The following VPS13B variants were observed in gnomAD, a reference collection of about 807,000 sequenced individuals.
The protein encoded by VPS13B is intermembrane lipid transfer protein VPS13B.
In VPS13B, 285 loss-of-function variants were observed where a neutral mutation model predicts 426.4. The observed-to-expected ratio is 0.67, with a 90% CI of 0.61 to 0.74. VPS13B has a LOEUF of 0.74. Ranked by LOEUF, VPS13B falls within the 30% of genes least tolerant of loss-of-function variation. The pLI, the probability that VPS13B is intolerant of heterozygous loss-of-function variation, is 0.00. For missense variants in VPS13B, 4,537 were observed against 4,782.6 expected (o/e 0.95, Z 1.51); for synonymous variants, 1,676 against 1,676.4 (o/e 1.00, Z 0.01).
intron 51 of VPS13B, among the ~76,000 whole-genome samples, chr8:99,828,925 C>T (rs765429764): frequency 1.3e-5 from 2 of 152,100 alleles, no homozygotes; most frequent in Non-Finnish European, 2.9e-5. Context: ...AATATTGGCC[C>T]CCACTCTCTT....
At chr8:99,309,032 GT>G (rs1415763327) in intron 19 of VPS13B, among the ~76,000 whole-genome samples, 1 of 152,028 alleles carries the variant, frequency 6.6e-6, no homozygotes, top group African/African-American at 2.4e-5. Context: ...GGAGTTGTTT[GT>G]TTTTTTCTTG....
Position 99,709,137 on chromosome 8 carries a change from T to C in VPS13B, c.6455-8034T>C, listed in dbSNP as rs16897580. ...AAGGTTTTCTGATGCTTCACTGTTA[T>C]GCAAATCAGCTTCCGGATGTATCTA... On this transcript the variant is annotated intron_variant, in intron 36 of 61. Coordinates refer to ENST00000357162, the MANE Select transcript of VPS13B (RefSeq NM_152564.5). 7.2e-3 allele frequency among the ~76,000 whole-genome samples: 1,102 copies of C among 152,322 alleles called. 9 individuals carry two copies. The highest frequency in any genetic ancestry group is 0.024 in the African/African-American group (1,011 of 41,570).
chr8:99,052,344 C>A (rs1236841816), intron 3 of VPS13B, among the ~76,000 whole-genome samples: 1 of 74,108 alleles, frequency 1.3e-5, no homozygotes, highest in East Asian at 2.8e-4. Context: ...TATTGATTTG[C>A]GTATGTTGAA....
intron 35 of VPS13B, among the ~76,000 whole-genome samples, chr8:99,672,777 A>T (rs1304259920): frequency 1.3e-5 from 2 of 151,972 alleles, no homozygotes; most frequent in South Asian, 4.1e-4. Context: ...TGACCTGTGA[A>T]TTTGTCACAT....
At chr8:99,766,311 T>G (rs1398180278) in intron 39 of VPS13B, among the ~76,000 whole-genome samples, 1 of 152,150 alleles carries the variant, frequency 6.6e-6, no homozygotes, top group Non-Finnish European at 1.5e-5. Flanking sequence ...CTCAAACTCC[T>G]GACCTCAGGT....
chr8:99,115,658 T>A, intron 6 of VPS13B, 42 bp from the exon 7 acceptor site: 5 of 1,595,394 alleles, frequency 3.1e-6, no homozygotes, highest in Non-Finnish European at 4.3e-6. Context: ...ATACTCTTTT[T>A]AAACATGCGT....
At chr8:99,312,560 C>T (rs1821050853) in intron 19 of VPS13B, among the ~76,000 whole-genome samples, 1 of 152,186 alleles carries the variant, frequency 6.6e-6, no homozygotes. Flanking sequence ...ATGGGCTTCC[C>T]TTTGTGGGTA....
chr8:99,133,847 C>A (rs548612196), intron 8 of VPS13B, among the ~76,000 whole-genome samples: 3 of 151,964 alleles, frequency 2.0e-5, no homozygotes, highest in African/African-American at 7.3e-5. Context: ...TTACAGATCA[C>A]CATAACAGAT....
chr8:99,567,210 GT>G (rs1199361195), intron 31 of VPS13B, among the ~76,000 whole-genome samples: 4 of 151,482 alleles, frequency 2.6e-5, no homozygotes, highest in African/African-American at 7.3e-5. Context: ...CTTCCATGAA[GT>G]TTTTTTTTAA....
At chr8:99,871,865 C>T (rs764981883) in intron 61 of VPS13B, among the ~76,000 whole-genome samples, 168 bp downstream of exon 61, 12 of 151,952 alleles carry the variant, frequency 7.9e-5, no homozygotes, top group South Asian at 2.1e-4. Context: ...AGGGCCGCTG[C>T]GAAAGGGCAC....
intron 8 of VPS13B, among the ~76,000 whole-genome samples, chr8:99,122,069 C>T (rs927413541): frequency 1.2e-4 from 18 of 151,006 alleles, no homozygotes; most frequent in Non-Finnish European, 2.1e-4. Flanking sequence ...CCATGTTGCC[C>T]AGGCTGGTCT....
At chr8:99,507,880 C>T in intron 28 of VPS13B, 1 of 1,614,028 alleles carries the variant, frequency 6.2e-7, no homozygotes, top group Non-Finnish European at 8.5e-7. Flanking sequence ...AAGCAGGACC[C>T]TTTCAGTAAT....
At chr8:99,156,524 T>C (rs762075435) in intron 14 of VPS13B, 25 bp from the exon 15 acceptor site, 3 of 1,612,402 alleles carry the variant, frequency 1.9e-6, no homozygotes, top group African/African-American at 1.3e-5. Flanking sequence ...TTTTAAAATA[T>C]AAAGCGAACA....
chr8:99,292,770 T>A (rs182253993), intron 19 of VPS13B, among the ~76,000 whole-genome samples: 90 of 152,242 alleles, frequency 5.9e-4, no homozygotes, highest in East Asian at 5.4e-3. Context: ...ATATTGCAGT[T>A]CTTGGGTAAA....
intron 3 of VPS13B, among the ~76,000 whole-genome samples, chr8:99,087,415 A>G (rs1457460472): frequency 6.6e-6 from 1 of 152,016 alleles, no homozygotes; most frequent in African/African-American, 2.4e-5. Context: ...AGGGTGAGGC[A>G]GTGCCTCACC....
At chr8:99,354,569 ATTTTC>A (rs1195918010) in intron 19 of VPS13B, among the ~76,000 whole-genome samples, 1 of 151,686 alleles carries the variant, frequency 6.6e-6, no homozygotes, top group Non-Finnish European at 1.5e-5. Flanking sequence ...TCTGTTTAGA[ATTTTC>A]TTATATATAG....
intron 24 of VPS13B, among the ~76,000 whole-genome samples, chr8:99,474,314 G>T (rs1819579079): frequency 6.7e-6 from 1 of 150,304 alleles, no homozygotes; most frequent in South Asian, 2.1e-4. Flanking sequence ...TTAGCTTCCT[G>T]AGTAGCTGGG....
At chr8:99,596,758 T>C (rs1204776416) in intron 33 of VPS13B, among the ~76,000 whole-genome samples, 1 of 152,054 alleles carries the variant, frequency 6.6e-6, no homozygotes, top group Non-Finnish European at 1.5e-5. Flanking sequence ...CTTTTTTCTT[T>C]TATTCTGCCT....
intron 3 of VPS13B, among the ~76,000 whole-genome samples, chr8:99,041,713 C>T (rs983844991): frequency 1.3e-5 from 2 of 151,976 alleles, no homozygotes; most frequent in Admixed American, 6.6e-5. Context: ...ATTAGCTGGG[C>T]GTGGTGGCCG....
Sources: allele counts gnomAD v4.1 joint callset (sites outside exome capture counted in the v4.1 genomes callset), GRCh38; gene constraint gnomAD v4.1.1; transcripts MANE v1.5; gene names NCBI Gene and HGNC (gene_info 2026-07-23, HGNC 2026-07-21).